The following RMND5A variants were observed in gnomAD, a reference collection of about 807,000 sequenced individuals.
The protein encoded by RMND5A is E3 ubiquitin-protein transferase RMND5A.
In RMND5A, 17 loss-of-function variants were observed where a neutral mutation model predicts 49.7. The ratio of observed to expected loss-of-function variants is 0.34; its 90% CI spans 0.23 to 0.51. RMND5A has a LOEUF of 0.51. RMND5A is among the 20% of genes least tolerant of loss of function. The pLI is 0.96. For missense variants in RMND5A, 255 were observed against 471.3 expected (o/e 0.54, Z 4.25); for synonymous variants, 156 against 167.7 (o/e 0.93, Z 0.54).
chr2:86,761,709 G>C (rs1158732314), intron 4 of RMND5A, among the ~76,000 whole-genome samples: 2 of 152,122 alleles, frequency 1.3e-5, no homozygotes, highest in Non-Finnish European at 2.9e-5. Flanking sequence ...TTGAAAACTT[G>C]TATTCTATGA....
At chr2:86,757,448 A>G (rs991914183) in intron 4 of RMND5A, among the ~76,000 whole-genome samples, 1 of 152,304 alleles carries the variant, frequency 6.6e-6, no homozygotes, top group Admixed American at 6.5e-5. Flanking sequence ...CTTACCTCAT[A>G]GTAGGCCCTC....
chr2:86,743,651 G>T (rs1681487969), intron 2 of RMND5A, among the ~76,000 whole-genome samples: 2 of 151,998 alleles, frequency 1.3e-5, no homozygotes, highest in Admixed American at 1.3e-4. Context: ...GGTTCTAGGT[G>T]ACCTGGATTC....
intron 4 of RMND5A, among the ~76,000 whole-genome samples, chr2:86,764,345 G>T (rs560452500): frequency 8.3e-4 from 126 of 152,206 alleles, no homozygotes; most frequent in Non-Finnish European, 1.6e-3. Context: ...TCCTGCCTTT[G>T]CCCTCACCTG....
At chr2:86,763,369 C>T (rs557647343) in intron 4 of RMND5A, among the ~76,000 whole-genome samples, 5 of 152,104 alleles carry the variant, frequency 3.3e-5, no homozygotes, top group Non-Finnish European at 5.9e-5. Context: ...AATTTAAATG[C>T]ACTACTTGGA....
At chr2:86,721,732 C>T (rs1449945352) in intron 1 of RMND5A, among the ~76,000 whole-genome samples, 1 of 151,018 alleles carries the variant, frequency 6.6e-6, no homozygotes, top group Non-Finnish European at 1.5e-5. Flanking sequence ...TTTAATGGGT[C>T]TTTAATAAGA....
chr2:86,760,727 T>A (rs1672465345), intron 4 of RMND5A, among the ~76,000 whole-genome samples: 2 of 148,966 alleles, frequency 1.3e-5, no homozygotes, highest in Non-Finnish European at 3.0e-5. Context: ...AAGAAAAACC[T>A]CTAGAAGTGA....
intron 4 of RMND5A, among the ~76,000 whole-genome samples, chr2:86,757,286 A>G (rs530769040): frequency 6.6e-6 from 1 of 151,770 alleles, no homozygotes; most frequent in African/African-American, 2.4e-5. Context: ...ACACCTGATT[A>G]CATAGATCTA....
chr2:86,748,100 A>C (rs184632764), intron 2 of RMND5A: 5 of 152,348 alleles, frequency 3.3e-5, no homozygotes, highest in Admixed American at 6.5e-5. Flanking sequence ...ATTTCTCTTC[A>C]TTAGCCACCT....
Position 86,769,899 on chromosome 2 carries a change from A to G in RMND5A, c.855-124A>G, listed in dbSNP as rs1175287115. On this transcript the variant is annotated intron_variant, in intron 6 of 8. Coordinates refer to ENST00000283632, the MANE Select transcript of RMND5A (RefSeq NM_022780.4). Reference sequence around the variant, plus strand: ...CTGGATTTACTTTTAGCAGAACAGAAAGCTCTCACCCTGTCCAGTGGCCAG... The same window carrying G: ...CTGGATTTACTTTTAGCAGAACAGAGAGCTCTCACCCTGTCCAGTGGCCAG... 4.6e-6 allele frequency: 3 copies of G among 656,686 alleles called. No homozygotes were observed. The African/African-American group carries it at 5.5e-5, about 12-fold the overall frequency. 40.7% of individuals were successfully genotyped at this position (656,686 alleles called of 1,614,324 possible).
chr2:86,765,297 G>A, intron 5 of RMND5A, 104 bp downstream of exon 5: 2 of 1,002,708 alleles, frequency 2.0e-6, no homozygotes, highest in Non-Finnish European at 2.9e-6. Context: ...CCAGTAAACA[G>A]TTGTAGTTGA....
chr2:86,743,848 C>T (rs1681491124), intron 2 of RMND5A, among the ~76,000 whole-genome samples: 1 of 151,744 alleles, frequency 6.6e-6, no homozygotes, highest in Non-Finnish European at 1.5e-5. Flanking sequence ...AAATTAGGCA[C>T]ATTCCTCTAA....
At chr2:86,759,612 G>GCCCCCCCCCCCCCCCCC (rs144501224) in intron 4 of RMND5A, among the ~76,000 whole-genome samples, 5 of 146,134 alleles carry the variant, frequency 3.4e-5, no homozygotes, top group Admixed American at 6.9e-5. Flanking sequence ...TAGTTTGCTT[G>GCCCCCCCCCCCCCCCCC]CCCCCCCGCC....
intron 2 of RMND5A, among the ~76,000 whole-genome samples, chr2:86,746,067 T>TATATAG (rs754740472): frequency 1.3e-5 from 2 of 152,018 alleles, no homozygotes; most frequent in Non-Finnish European, 2.9e-5. Context: ...GTGAATGGAG[T>TATATAG]AATGGTATAA....
chr2:86,767,644 C>G (rs917897261), intron 6 of RMND5A, among the ~76,000 whole-genome samples: 1 of 152,104 alleles, frequency 6.6e-6, no homozygotes, highest in Admixed American at 6.5e-5. Flanking sequence ...TATGATTTTA[C>G]AAAAGCATGC....
chr2:86,753,711 A>T (rs77646954), intron 4 of RMND5A, among the ~76,000 whole-genome samples, 153 bp downstream of exon 4: 393 of 152,338 alleles, frequency 2.6e-3, no homozygotes, highest in Middle Eastern at 0.01. Context: ...TATTTTGGCT[A>T]AGTGAAATAT....
intron 2 of RMND5A, among the ~76,000 whole-genome samples, chr2:86,746,785 G>T (rs1681544321): frequency 6.6e-6 from 1 of 152,226 alleles, no homozygotes. Context: ...GGATGCAAAT[G>T]TGACAGAAAG....
rs759196662 is a variant in RMND5A at position 86,777,704 on chromosome 2, T to A, written c.*4293T>A. ...GAGCTATATGTATGGAAAATTTTGA[T>A]CAATTTTTTAAGAAATGTATCCTGT... is the stretch of plus-strand genomic sequence containing the variant. On this transcript the variant is annotated 3_prime_UTR_variant, in exon 9 of 9. Transcript: ENST00000283632. The A allele has an allele frequency of 2.0e-5, 3 of 152,218 alleles. No homozygotes were observed. Among genetic ancestry groups the A allele is most frequent in the Non-Finnish European group, 4.4e-5 (3 of 68,044 alleles). 9.4% of individuals were successfully genotyped at this position (152,218 alleles called of 1,614,324 possible).
At position 86,773,590 on chromosome 2, in the gene RMND5A, A is replaced by G. The variant is rs1234873982; in HGVS notation, c.*179A>G. The G allele has an allele frequency of 1.1e-5, 5 of 450,392 alleles. No homozygotes were observed. The highest frequency in any genetic ancestry group is 1.0e-4 in the South Asian group (2 of 19,242). The allele number at this position is 450,392 out of a possible 1,614,324, so 27.9% of individuals were successfully genotyped here. A position where few individuals can be genotyped will look rare whatever the true frequency, so the allele number is the denominator to read the frequency against. ...GAGGGGAGTGCTCCCGGTGAATATT[A>G]TCATAGGGCTTTATTATATTCTTGG... On this transcript the variant is annotated 3_prime_UTR_variant, in exon 9 of 9. Coordinates refer to ENST00000283632, the MANE Select transcript of RMND5A (RefSeq NM_022780.4).
chr2:86,751,072 G>A (rs144800275), intron 2 of RMND5A, among the ~76,000 whole-genome samples: 1 of 152,248 alleles, frequency 6.6e-6, no homozygotes, highest in East Asian at 1.9e-4. Flanking sequence ...TGTATGCCAA[G>A]TAATTTTGCA....
Sources: gnomAD v4.1 joint callset for allele counts (sites outside exome capture counted in the v4.1 genomes callset) on GRCh38, gnomAD v4.1.1 for gene constraint, MANE v1.5 for transcripts, NCBI Gene and HGNC (gene_info 2026-07-23, HGNC 2026-07-21) for gene names.